The following PAG1 variants were observed in gnomAD, a reference collection of about 807,000 sequenced individuals.
PAG1 encodes the protein phosphoprotein associated with glycosphingolipid-enriched microdomains 1.
Under a neutral mutation model 31.7 loss-of-function variants are expected in PAG1, and 23 were observed. The ratio of observed to expected loss-of-function variants is 0.73; its 90% CI spans 0.52 to 1.03. PAG1 has a LOEUF of 1.03. Among genes scored for constraint, PAG1 ranks in the 50% least tolerant of loss-of-function variants. PAG1 has a pLI of 0.00. For synonymous variants in PAG1, 214 were observed against 210.3 expected, an observed-to-expected ratio of 1.02 and a Z score of -0.15; for missense variants, 473 against 540.7, an observed-to-expected ratio of 0.87 and a Z score of 1.24.
chr8:81,079,408 G>C (rs1423129464), intron 1 of PAG1, among the ~76,000 whole-genome samples: 1 of 152,184 alleles, frequency 6.6e-6, no homozygotes, highest in Non-Finnish European at 1.5e-5. Flanking sequence ...GAATTACTTA[G>C]GAGTTCAGCA....
chr8:81,048,743 A>G (rs563142353), intron 2 of PAG1, among the ~76,000 whole-genome samples: 3 of 152,192 alleles, frequency 2.0e-5, no homozygotes, highest in Non-Finnish European at 4.4e-5. Context: ...CATCATTCGT[A>G]TATATAAATG....
Position 80,985,012 on chromosome 8 carries a change from G to C in PAG1, c.640C>G (p.Pro214Ala). The change falls in exon 7 of 9, where the codon CCA becomes GCA. Residue 214 changes from proline (P) to alanine (A), a missense_variant. Transcript: ENST00000220597. ...GCTTTGCCTTCAGTCTGGGGCCCTG[G>C]GAGCTCTTTCGAGGCAGAAGTAGAT... Reference protein sequence around the residue: ...AKSTSASKELPGPQTEGKAEF... With the variant: ...AKSTSASKELAGPQTEGKAEF... 1.2e-6 allele frequency: 2 copies of C among 1,614,142 alleles called. No homozygotes were observed. Among genetic ancestry groups the C allele is most frequent in the Non-Finnish European group, 1.7e-6 (2 of 1,180,032 alleles).
intron 1 of PAG1, among the ~76,000 whole-genome samples, chr8:81,086,369 A>G (rs1225164299): frequency 6.6e-6 from 1 of 152,136 alleles, no homozygotes; most frequent in Non-Finnish European, 1.5e-5. Flanking sequence ...TATTACTGAG[A>G]GTACTGTAAA....
Position 81,063,400 on chromosome 8 carries a change from G to A in PAG1, c.-175+6712C>T, listed in dbSNP as rs187985699. ...AAGAGACTGGTCTGGAGCTCTCTGC[G>A]ACTGAACAGGAGAGGCCTCAGTGAG... is the stretch of plus-strand genomic sequence containing the variant. On this transcript the variant is annotated intron_variant, in intron 2 of 8. Coordinates refer to ENST00000220597, the MANE Select transcript of PAG1 (RefSeq NM_018440.4). Among the ~76,000 whole-genome samples, 36 of 152,294 alleles carry A rather than the reference G, an allele frequency of 2.4e-4. No individual in the cohort carries two copies. The South Asian group carries it at 6.6e-3, about 28-fold the overall frequency.
At chr8:81,033,017 C>T (rs1303146803) in intron 2 of PAG1, among the ~76,000 whole-genome samples, 2 of 152,044 alleles carry the variant, frequency 1.3e-5, no homozygotes, top group Admixed American at 6.5e-5. Context: ...TAGGCAAATA[C>T]ATAGAGATAG....
rs558208642 is a variant in PAG1 at position 80,979,939 on chromosome 8, T to C, written c.936+496A>G. On this transcript the variant is annotated intron_variant, in intron 8 of 8. Coordinates refer to ENST00000220597, the MANE Select transcript of PAG1 (RefSeq NM_018440.4). ...ATCTGCTCTTGTTGGCTGCTATGTC[T>C]GACCCTAGCTCCTGCCTGGAACTGT... Among the ~76,000 whole-genome samples, 30 of 152,340 alleles carry C rather than the reference T, an allele frequency of 2.0e-4. No homozygotes were observed. In the South Asian group the frequency reaches 3.5e-3, roughly 18 times the overall value.
intron 7 of PAG1, among the ~76,000 whole-genome samples, chr8:80,981,270 T>G (rs1289629847): frequency 6.6e-6 from 1 of 152,046 alleles, no homozygotes; most frequent in Non-Finnish European, 1.5e-5. Flanking sequence ...CCAGTTCCAA[T>G]GCTCCTTCAA....
intron 3 of PAG1, among the ~76,000 whole-genome samples, chr8:81,020,155 C>T (rs1243549338): frequency 6.6e-6 from 1 of 152,168 alleles, no homozygotes; most frequent in Non-Finnish European, 1.5e-5. Context: ...AAATAACTAA[C>T]TTGTTTTTGA....
At chr8:81,054,961 C>T (rs537229447) in intron 2 of PAG1, among the ~76,000 whole-genome samples, 1 of 152,050 alleles carries the variant, frequency 6.6e-6, no homozygotes, top group African/African-American at 2.4e-5. Flanking sequence ...CCAATGTGGC[C>T]ATTATAATTA....
In PAG1 at chr8:80,984,966, G is replaced by A. The variant is rs201273079; in HGVS notation, c.686C>T (p.Ser229Leu). The change falls in exon 7 of 9, where the codon TCG becomes TTG. Residue 229 changes from serine (S) to leucine (L), a missense_variant. Physicochemically the swap from Ser to Leu is moderately radical, Grantham distance 145. Coordinates refer to ENST00000220597, the MANE Select transcript of PAG1 (RefSeq NM_018440.4). ...EGKAEFAEYA[S>L]VDRNKKCRQS... is the part of the protein sequence containing the mutation. ...ACGACATTTTTTGTTTCTGTCCACC[G>A]AGGCATATTCAGCAAACTCAGCTTT... 8 of 1,613,972 alleles carry A rather than the reference G, an allele frequency of 5.0e-6. No individual in the cohort carries two copies. The highest frequency in any genetic ancestry group is 5.9e-6 in the Non-Finnish European group (7 of 1,179,972).
At chr8:80,984,570 TGAGA>T (rs1425933984) in intron 7 of PAG1, among the ~76,000 whole-genome samples, 1 of 152,188 alleles carries the variant, frequency 6.6e-6, no homozygotes, top group African/African-American at 2.4e-5. Context: ...AGTAAGGTGC[TGAGA>T]GAAATATTTG....
intron 1 of PAG1, among the ~76,000 whole-genome samples, chr8:81,088,137 C>T (rs1449622147): frequency 6.6e-6 from 1 of 152,116 alleles, no homozygotes; most frequent in East Asian, 1.9e-4. Context: ...TATTATTTAC[C>T]TCCCAACTCC....
intron 3 of PAG1, among the ~76,000 whole-genome samples, chr8:80,994,140 C>G (rs1807622837): frequency 6.6e-6 from 1 of 151,258 alleles, no homozygotes; most frequent in Non-Finnish European, 1.5e-5. Flanking sequence ...CTACCCACTG[C>G]CATCTCTCAT....
In PAG1 at chr8:81,000,941, AT is replaced by A. The variant is rs200853621; in HGVS notation, c.-80-7635del. On this transcript the variant is annotated intron_variant, in intron 3 of 8. Coordinates refer to ENST00000220597, the MANE Select transcript of PAG1 (RefSeq NM_018440.4). ...CTTCTGACCCCTCTCTGCAATGACA[AT>A]TTCACACCTTCTCCAGCTCCTAGGT... Among the ~76,000 whole-genome samples the A allele has an allele frequency of 6.4e-3, 974 of 152,186 alleles. 5 individuals carry two copies. Among genetic ancestry groups the A allele is most frequent in the African/African-American group, 0.022 (933 of 41,504 alleles).
intron 1 of PAG1, among the ~76,000 whole-genome samples, chr8:81,075,045 G>C (rs963436887): frequency 7.2e-5 from 11 of 152,170 alleles, no homozygotes; most frequent in African/African-American, 2.7e-4. Context: ...TGTAGGCAAA[G>C]AGCATCTCCT....
At chr8:81,095,593 T>C (rs1311640367) in intron 1 of PAG1, among the ~76,000 whole-genome samples, 1 of 152,186 alleles carries the variant, frequency 6.6e-6, no homozygotes, top group Non-Finnish European at 1.5e-5. Context: ...GATGTATATA[T>C]ATTTTACTCT....
At chr8:81,006,719 G>A (rs1275865662) in intron 3 of PAG1, among the ~76,000 whole-genome samples, 1 of 152,082 alleles carries the variant, frequency 6.6e-6, no homozygotes, top group Non-Finnish European at 1.5e-5. Flanking sequence ...TATGGGTTAA[G>A]GCTGTGTTTA....
chr8:81,032,564 T>A (rs1463466784), intron 2 of PAG1, among the ~76,000 whole-genome samples: 1 of 152,200 alleles, frequency 6.6e-6, no homozygotes, highest in Non-Finnish European at 1.5e-5. Flanking sequence ...TAAACACGTC[T>A]AAGCTAATAA....
rs547135073 is a variant in PAG1 at position 81,035,962 on chromosome 8, T to C, written c.-174-5873A>G. On this transcript the variant is annotated intron_variant, in intron 2 of 8. Transcript: ENST00000220597. ...ATTAACACATGTGTATATACATTTA[T>C]ATTTGACTAAAATCTAAATTTCTGT... 2.0e-5 allele frequency among the ~76,000 whole-genome samples: 3 copies of C among 152,296 alleles called. No individual in the cohort carries two copies. The South Asian group carries it at 6.2e-4, about 32-fold the overall frequency.
Sources: allele counts gnomAD v4.1 joint callset (sites outside exome capture counted in the v4.1 genomes callset), GRCh38; gene constraint gnomAD v4.1.1; transcripts MANE v1.5; gene names NCBI Gene and HGNC (gene_info 2026-07-23, HGNC 2026-07-21).